STON1: variants seen among roughly 807,000 people sequenced by gnomAD.
STON1 encodes stonin 1, also known as stonin-1.
STON1 carries 79 observed loss-of-function variants against 60.9 expected under a neutral mutation model. That is an observed-to-expected ratio of 1.30 (90% CI 1.08 to 1.56). The LOEUF (loss-of-function observed/expected upper bound fraction) is 1.56. Ranked by LOEUF, STON1 falls within the 40% of genes most tolerant of loss-of-function variation. The probability of loss-of-function intolerance (pLI) is 0.00; values close to 1 mark genes in which losing one functional copy is unlikely to be tolerated. For missense variants in STON1, 1,166 were observed against 858.9 expected (o/e 1.36, Z -4.47); for synonymous variants, 363 against 306.9 (o/e 1.18, Z -1.91).
At chr2:48,547,363 G>A (rs766587225) in intron 1 of STON1, among the ~76,000 whole-genome samples, 4 of 149,110 alleles carry the variant, frequency 2.7e-5, no homozygotes, top group African/African-American at 5.0e-5. Flanking sequence ...TTCATGACAG[G>A]CCCTTAGCAC....
chr2:48,598,353 A>G lies in STON1; in HGVS notation c.*3051A>G, dbSNP rs1469239470. On this transcript the variant is annotated 3_prime_UTR_variant, in exon 4 of 4. Coordinates refer to ENST00000404752, the MANE Select transcript of STON1 (RefSeq NM_006873.4). ...AGCCCCTTTTCTTATAAAGTCAGTT[A>G]GAAGGACTTCCTTAACAATGACTAT... 1 of 152,664 alleles carries G rather than the reference A, an allele frequency of 6.6e-6. No individual in the cohort carries two copies. The highest frequency in any genetic ancestry group is 1.5e-5 in the Non-Finnish European group (1 of 68,050). 9.5% of individuals were successfully genotyped at this position (152,664 alleles called of 1,614,324 possible). A position where few individuals can be genotyped will look rare whatever the true frequency, so the allele number is the denominator to read the frequency against.
At position 48,581,343 on chromosome 2, in the gene STON1, A is replaced by T. The variant is rs1673871407; in HGVS notation, c.710A>T (p.Gln237Leu). The T allele has an allele frequency of 1.6e-5, 24 of 1,546,974 alleles. No homozygotes were observed. The highest frequency in any genetic ancestry group is 2.0e-5 in the Non-Finnish European group (23 of 1,149,590). ...ATCTGTGAGAAGCTTGAACATCTCC[A>T]GTCAGCTGAGAACCAAGACTCACTT... ...NYICEKLEHLQSAENQDSLRS... is the reference protein window; with the variant it reads ...NYICEKLEHLLSAENQDSLRS... The change falls in exon 2 of 4, where the codon CAG becomes CTG. Residue 237 changes from glutamine to leucine, a missense_variant. Coordinates refer to ENST00000404752, the MANE Select transcript of STON1 (RefSeq NM_006873.4).
At chr2:48,560,606 C>T (rs1419883507) in intron 1 of STON1, among the ~76,000 whole-genome samples, 1 of 152,184 alleles carries the variant, frequency 6.6e-6, no homozygotes, top group East Asian at 1.9e-4. Context: ...CCCAGGGGTC[C>T]TCTTCGTGCT....
chr2:48,544,451 T>C (rs911838150), intron 1 of STON1, among the ~76,000 whole-genome samples: 5 of 152,242 alleles, frequency 3.3e-5, no homozygotes, highest in African/African-American at 9.6e-5. Flanking sequence ...TTTATACCTT[T>C]GAATATTTTC....
At chr2:48,543,924 G>A (rs890170579) in intron 1 of STON1, among the ~76,000 whole-genome samples, 2 of 152,150 alleles carry the variant, frequency 1.3e-5, no homozygotes, top group African/African-American at 4.8e-5. Flanking sequence ...TTCCCAGGAG[G>A]GATCATGAAG....
At chr2:48,561,252 G>C (rs1210199683) in intron 1 of STON1, among the ~76,000 whole-genome samples, 1 of 152,178 alleles carries the variant, frequency 6.6e-6, no homozygotes, top group African/African-American at 2.4e-5. Context: ...CTCTCCTGTG[G>C]CTCCACTAGT....
At chr2:48,558,833 G>A (rs1464547127) in intron 1 of STON1, among the ~76,000 whole-genome samples, 2 of 152,162 alleles carry the variant, frequency 1.3e-5, no homozygotes, top group Non-Finnish European at 2.9e-5. Context: ...AGAAGGATGA[G>A]CACATTTTAT....
rs141540323 is a variant in STON1 at position 48,566,930 on chromosome 2, T to C, written c.-47-13657T>C. The stretch of plus-strand genomic sequence containing the variant: ...AAAGGCCTATTCAAGAAGCAGACTC[T>C]GAGCCTGGCTAGAATTTGGTCAAAG... On this transcript the variant is annotated intron_variant, in intron 1 of 3. Transcript: ENST00000404752. Among the ~76,000 whole-genome samples, 493 of 152,310 alleles carry C rather than the reference T, an allele frequency of 3.2e-3. 2 individuals are homozygous for C. The highest frequency in any genetic ancestry group is 0.011 in the African/African-American group (469 of 41,570).
chr2:48,587,237 T>G (rs917907785), intron 2 of STON1, among the ~76,000 whole-genome samples: 3 of 152,230 alleles, frequency 2.0e-5, no homozygotes, highest in Admixed American at 6.5e-5. Flanking sequence ...CTCCCTGCTC[T>G]GCATATGCCT....
intron 1 of STON1, among the ~76,000 whole-genome samples, chr2:48,566,526 G>A (rs980483627): frequency 1.1e-4 from 16 of 152,106 alleles, no homozygotes; most frequent in Admixed American, 7.9e-4. Flanking sequence ...CGGGTGATCC[G>A]CCCACCTCAG....
chr2:48,541,572 G>A (rs1247899185), intron 1 of STON1, among the ~76,000 whole-genome samples: 8 of 147,904 alleles, frequency 5.4e-5, no homozygotes, highest in African/African-American at 1.5e-4. Context: ...GGTGGTGCAC[G>A]CCTGTAGTCC....
intron 1 of STON1, among the ~76,000 whole-genome samples, chr2:48,533,254 C>A (rs927715021): frequency 1.3e-5 from 2 of 151,936 alleles, no homozygotes; most frequent in Non-Finnish European, 2.9e-5. Flanking sequence ...TGGTGGCGGG[C>A]ACCTATAATC....
At chr2:48,530,402 C>A in intron 1 of STON1, 186 bp downstream of exon 1, 1 of 237,522 alleles carries the variant, frequency 4.2e-6, no homozygotes, top group Non-Finnish European at 8.2e-6. Flanking sequence ...CTGGGGCCCG[C>A]AGAGGGATGG....
Position 48,541,845 on chromosome 2 carries a change from C to T in STON1, c.-48+11629C>T, listed in dbSNP as rs115766962. Among the ~76,000 whole-genome samples, 516 of 152,256 alleles carry T rather than the reference C, an allele frequency of 3.4e-3. 3 individuals are homozygous for T. Among genetic ancestry groups the T allele is most frequent in the African/African-American group, 0.011 (472 of 41,566 alleles). ...TCTGAATAAATAATACCGTGTGCCACTGCCACCATCTGGAACCCTGCACGC... is the reference window on the plus strand; with the variant it reads ...TCTGAATAAATAATACCGTGTGCCATTGCCACCATCTGGAACCCTGCACGC... On this transcript the variant is annotated intron_variant, in intron 1 of 3. Transcript: ENST00000404752.
In STON1 at chr2:48,581,332, T is replaced by C. The variant is rs767886483; in HGVS notation, c.699T>C (p.Leu233=). The change falls in exon 2 of 4, where the codon CTT becomes CTC. Residue 233 remains leucine, a synonymous_variant. Transcript: ENST00000404752. ...KCSLNYICEK[L]EHLQSAENQD... ...CACTCAACTATATCTGTGAGAAGCT[T>C]GAACATCTCCAGTCAGCTGAGAACC... 37 of 1,537,314 alleles carry C rather than the reference T, an allele frequency of 2.4e-5. No homozygotes were observed. The highest frequency in any genetic ancestry group is 3.2e-5 in the Non-Finnish European group (37 of 1,145,550).
intron 1 of STON1, among the ~76,000 whole-genome samples, chr2:48,578,810 C>T (rs1204687035): frequency 3.3e-5 from 5 of 151,736 alleles, no homozygotes; most frequent in Admixed American, 6.6e-5. Flanking sequence ...AGGCTGGTCT[C>T]TAACTCCTGA....
At chr2:48,587,310 T>C (rs1674265511) in intron 2 of STON1, among the ~76,000 whole-genome samples, 1 of 149,510 alleles carries the variant, frequency 6.7e-6, no homozygotes, top group East Asian at 1.9e-4. Context: ...TATTTATTTA[T>C]GAGACGGAGT....
At chr2:48,573,081 T>C (rs1011320301) in intron 1 of STON1, among the ~76,000 whole-genome samples, 1 of 152,194 alleles carries the variant, frequency 6.6e-6, no homozygotes, top group African/African-American at 2.4e-5. Context: ...GGTTGAATGA[T>C]TGCATTGGTT....
chr2:48,591,630 T>A (rs1230565543), intron 2 of STON1, 23 bp from the exon 3 acceptor site: 1 of 1,610,374 alleles, frequency 6.2e-7, no homozygotes, highest in African/African-American at 1.3e-5. Context: ...ATACTTTGAC[T>A]ATTTGATTTT....
Sources: allele counts gnomAD v4.1 joint callset (sites outside exome capture counted in the v4.1 genomes callset), GRCh38; gene constraint gnomAD v4.1.1; transcripts MANE v1.5; gene names NCBI Gene and HGNC (gene_info 2026-07-23, HGNC 2026-07-21).